EPHB2: variants seen among roughly 807,000 people sequenced by gnomAD.
EPHB2 encodes ephrin type-B receptor 2.
EPHB2 carries 18 observed loss-of-function variants against 96.4 expected under a neutral mutation model. That is an observed-to-expected ratio of 0.19 (90% CI 0.13 to 0.28). The LOEUF (loss-of-function observed/expected upper bound fraction) is 0.28. Ranked by LOEUF, EPHB2 falls within the 10% of genes least tolerant of loss-of-function variation. EPHB2 has a pLI of 1.00. For synonymous variants in EPHB2, 506 were observed against 534.1 expected (o/e 0.95, Z 0.72); for missense variants, 989 against 1,355.4 (o/e 0.73, Z 4.25).
At chr1:22,827,319 A>T (rs548739292) in intron 3 of EPHB2, among the ~76,000 whole-genome samples, 1 of 152,194 alleles carries the variant, frequency 6.6e-6, no homozygotes, top group Non-Finnish European at 1.5e-5. Flanking sequence ...TCATGGCAGG[A>T]ACTGGATTGC....
chr1:22,780,585 C>G (rs759167722), intron 1 of EPHB2, among the ~76,000 whole-genome samples: 52 of 152,296 alleles, frequency 3.4e-4, no homozygotes, highest in Non-Finnish European at 6.2e-4. Flanking sequence ...TGAGGGGTCT[C>G]AGCTGGGACA....
chr1:22,734,029 C>T (rs975103586), intron 1 of EPHB2, among the ~76,000 whole-genome samples: 17 of 152,170 alleles, frequency 1.1e-4, no homozygotes, highest in African/African-American at 3.6e-4. Flanking sequence ...GCCCAGAGGC[C>T]GCAGGAGTGG....
intron 3 of EPHB2, among the ~76,000 whole-genome samples, chr1:22,823,862 T>C (rs1645186677): frequency 6.6e-6 from 1 of 152,226 alleles, no homozygotes; most frequent in Admixed American, 6.5e-5. Flanking sequence ...AATGGAAAGA[T>C]GAGCGATTGG....
chr1:22,806,164 A>G (rs540725371), intron 3 of EPHB2, among the ~76,000 whole-genome samples: 1 of 152,214 alleles, frequency 6.6e-6, no homozygotes, highest in African/African-American at 2.4e-5. Flanking sequence ...TGAAAGAATG[A>G]ATAATAGCCA....
intron 6 of EPHB2, among the ~76,000 whole-genome samples, chr1:22,886,146 G>C (rs1639217035): frequency 6.6e-6 from 1 of 152,202 alleles, no homozygotes; most frequent in Admixed American, 6.5e-5. Context: ...CATGAGTGAG[G>C]GAAAGCCTTC....
At chr1:22,712,350 G>A (rs770088925) in intron 1 of EPHB2, among the ~76,000 whole-genome samples, 2 of 152,204 alleles carry the variant, frequency 1.3e-5, no homozygotes, top group African/African-American at 4.8e-5. Flanking sequence ...CCTAAACTGC[G>A]TGAGCCCTTC....
At chr1:22,895,806 A>G (rs185571137) in intron 8 of EPHB2, among the ~76,000 whole-genome samples, 3 of 152,380 alleles carry the variant, frequency 2.0e-5, no homozygotes, top group Non-Finnish European at 4.4e-5. Flanking sequence ...CAAGCCCACT[A>G]TTGAAAGAGG....
chr1:22,713,944 G>A (rs997816146), intron 1 of EPHB2, among the ~76,000 whole-genome samples: 9 of 152,328 alleles, frequency 5.9e-5, no homozygotes, highest in South Asian at 2.1e-4. Context: ...AAGTGGCGGC[G>A]AGCAGGATGG....
intron 6 of EPHB2, among the ~76,000 whole-genome samples, chr1:22,885,433 C>A (rs547100626): frequency 6.6e-6 from 1 of 152,366 alleles, no homozygotes; most frequent in South Asian, 2.1e-4. Flanking sequence ...CATCCCCAGG[C>A]CGCTGCTGGG....
Position 22,720,664 on chromosome 1 carries a change from C to G in EPHB2, c.61+9621C>G, listed in dbSNP as rs940688447. Reference sequence around the variant, plus strand: ...ACAGGAAGCCAGAAATCTCATTCCCCCCCCCCCCCGCCCCAGCACTTACCC... The same window carrying G: ...ACAGGAAGCCAGAAATCTCATTCCCGCCCCCCCCCGCCCCAGCACTTACCC... On this transcript the variant is annotated intron_variant, in intron 1 of 15. Coordinates refer to ENST00000374630, the MANE Select transcript of EPHB2 (RefSeq NM_017449.5). 1.8e-3 allele frequency among the ~76,000 whole-genome samples: 191 copies of G among 103,502 alleles called. 6 individuals are homozygous for G. The highest frequency in any genetic ancestry group is 5.6e-3 in the African/African-American group (170 of 30,250). The allele number at this position is 103,502 out of a possible 152,430, so 67.9% of individuals were successfully genotyped here. A position where few individuals can be genotyped will look rare whatever the true frequency, so the allele number is the denominator to read the frequency against.
intron 1 of EPHB2, among the ~76,000 whole-genome samples, chr1:22,712,508 G>A (rs1202240628): frequency 3.9e-5 from 6 of 152,186 alleles, no homozygotes; most frequent in Admixed American, 2.6e-4. Flanking sequence ...TGGGAAAGGC[G>A]TCGTGGGGGA....
chr1:22,911,180 A>AAAT (rs2124135685), intron 14 of EPHB2, among the ~76,000 whole-genome samples: 1 of 151,818 alleles, frequency 6.6e-6, no homozygotes, highest in African/African-American at 2.4e-5. Flanking sequence ...ATAAATAAAT[A>AAAT]ATTACCAAAG....
intron 3 of EPHB2, among the ~76,000 whole-genome samples, chr1:22,855,356 A>T (rs1645683956): frequency 6.6e-6 from 1 of 152,196 alleles, no homozygotes; most frequent in Non-Finnish European, 1.5e-5. Context: ...GCTGCACTTC[A>T]AACCTGCCAC....
At position 22,913,139 on chromosome 1, in the gene EPHB2, G is replaced by T. The variant is rs749304499; in HGVS notation, c.2853-323G>T. 1.2e-5 allele frequency: 5 copies of T among 416,044 alleles called. No individual in the cohort carries two copies. Among genetic ancestry groups the T allele is most frequent in the Non-Finnish European group, 2.3e-5 (5 of 220,880 alleles). The allele number at this position is 416,044 out of a possible 1,614,324, so 25.8% of individuals were successfully genotyped here. A position where few individuals can be genotyped will look rare whatever the true frequency, so the allele number is the denominator to read the frequency against. ...ACCAAGGAGGTAGAGGTTGCAGTGA[G>T]CTGAGATCACGCCACTGCACACCAG... On this transcript the variant is annotated intron_variant, in intron 15 of 15. Transcript: ENST00000374630. The surrounding 1 kb of genome is among the most constrained non-coding windows in gnomAD (Gnocchi z 4.1).
chr1:22,748,941 T>C (rs1644018869), intron 1 of EPHB2, among the ~76,000 whole-genome samples: 1 of 150,742 alleles, frequency 6.6e-6, no homozygotes, highest in Admixed American at 6.6e-5. Flanking sequence ...ACCAACAAGG[T>C]AGGCTACACG....
At chr1:22,884,014 C>T (rs309482) in intron 6 of EPHB2, among the ~76,000 whole-genome samples, 70,808 of 145,986 alleles carry the variant, frequency 0.49, 17,353 homozygotes, top group Non-Finnish European at 0.51. Flanking sequence ...CCCTCATCCT[C>T]CCCTCATCTC....
rs551638298 is a variant in EPHB2 at position 22,855,898 on chromosome 1, A to G, written c.812-7139A>G. 1.1e-4 allele frequency among the ~76,000 whole-genome samples: 16 copies of G among 152,318 alleles called. No individual in the cohort carries two copies. In the South Asian group the frequency reaches 2.9e-3, roughly 28 times the overall value. ...GGAATTAAGCCCTGGCCGTAGCTCCACAGTCCATGCCCAGGTTCAATTTCA... is the reference window on the plus strand; with the variant it reads ...GGAATTAAGCCCTGGCCGTAGCTCCGCAGTCCATGCCCAGGTTCAATTTCA... On this transcript the variant is annotated intron_variant, in intron 3 of 15. Transcript: ENST00000374630.
intron 1 of EPHB2, among the ~76,000 whole-genome samples, chr1:22,764,570 A>C (rs1344352067): frequency 6.6e-6 from 1 of 151,926 alleles, no homozygotes; most frequent in Admixed American, 6.6e-5. Flanking sequence ...ACATGGTGAA[A>C]CCCCGTCTCT....
intron 1 of EPHB2, chr1:22,775,329 T>TGGCATTTA: frequency 1.3e-6 from 1 of 761,026 alleles, no homozygotes. Flanking sequence ...GCGCCTGAAA[T>TGGCATTTA]GGCATTTAGA....
Sources: allele counts gnomAD v4.1 joint callset (sites outside exome capture counted in the v4.1 genomes callset), GRCh38; gene constraint gnomAD v4.1.1; non-coding constraint Gnocchi (gnomAD v3.1); transcripts MANE v1.5; gene names NCBI Gene and HGNC (gene_info 2026-07-23, HGNC 2026-07-21).